PAPPA2: variants seen among roughly 807,000 people sequenced by gnomAD.
PAPPA2 encodes pappalysin 2.
A neutral mutation model predicts 176.4 loss-of-function variants in PAPPA2; 86 were observed. That is an observed-to-expected ratio of 0.49 (90% CI 0.41 to 0.58). PAPPA2 has a LOEUF of 0.58. Ranked by LOEUF, PAPPA2 falls within the 20% of genes least tolerant of loss-of-function variation. PAPPA2 has a pLI of 0.00. For missense variants in PAPPA2, 2,073 were observed against 2,256.9 expected, an observed-to-expected ratio of 0.92 and a Z score of 1.65; for synonymous variants, 809 against 852.2, an observed-to-expected ratio of 0.95 and a Z score of 0.88.
At chr1:176,534,600 G>A (rs1452331416) in intron 1 of PAPPA2, among the ~76,000 whole-genome samples, 2 of 152,326 alleles carry the variant, frequency 1.3e-5, no homozygotes, top group East Asian at 3.9e-4. Context: ...TCTTACTTAG[G>A]ACTGCTAACT....
chr1:176,821,837 G>T (rs954899873), intron 21 of PAPPA2, among the ~76,000 whole-genome samples: 1 of 152,192 alleles, frequency 6.6e-6, no homozygotes, highest in Non-Finnish European at 1.5e-5. Flanking sequence ...TGAGTAAAAA[G>T]AATATAGACA....
intron 1 of PAPPA2, among the ~76,000 whole-genome samples, chr1:176,520,523 G>A (rs1649158213): frequency 6.6e-6 from 1 of 152,226 alleles, no homozygotes; most frequent in Non-Finnish European, 1.5e-5. Flanking sequence ...CTCTGTGTCA[G>A]TGTTGGATCA....
rs528619230 is a variant in PAPPA2, at chr1:176,840,643, C to T, written c.5301+372C>T. On this transcript the variant is annotated intron_variant, in intron 22 of 22. Coordinates refer to ENST00000367662, the MANE Select transcript of PAPPA2 (RefSeq NM_020318.3). ...CAGTTACTAACCATCTCCATAATTA[C>T]ATTAATAATTTTATATAGTGTGTTA... Among the ~76,000 whole-genome samples the T allele has an allele frequency of 7.2e-5, 11 of 152,212 alleles. No individual in the cohort carries two copies. In the East Asian group the frequency reaches 1.4e-3, roughly 19 times the overall value.
intron 12 of PAPPA2, 65 bp from the exon 13 acceptor site, chr1:176,739,561 G>A (rs1196550973): frequency 3.3e-6 from 5 of 1,505,468 alleles, no homozygotes; most frequent in East Asian, 2.3e-5. Context: ...AATAAAAATT[G>A]TATAGCACAT....
At chr1:176,519,526 A>G (rs1161608181) in intron 1 of PAPPA2, among the ~76,000 whole-genome samples, 1 of 152,158 alleles carries the variant, frequency 6.6e-6, no homozygotes, top group East Asian at 1.9e-4. Flanking sequence ...CTTGCTTCAG[A>G]TGAAGGTCCA....
intron 1 of PAPPA2, among the ~76,000 whole-genome samples, chr1:176,471,735 T>G (rs982999308): frequency 3.3e-5 from 5 of 152,366 alleles, no homozygotes; most frequent in Middle Eastern, 3.4e-3. Flanking sequence ...TCTTGTGATA[T>G]ATCCTTTCAA....
intron 3 of PAPPA2, among the ~76,000 whole-genome samples, chr1:176,608,324 TTATC>T: frequency 6.6e-6 from 1 of 152,346 alleles, no homozygotes; most frequent in Non-Finnish European, 1.5e-5. Flanking sequence ...CCTTAAAACT[TTATC>T]TGTTCAATTT....
rs766227560 is a variant in PAPPA2, at chr1:176,595,396, C to T, written c.1792C>T (p.Pro598Ser). The T allele has an allele frequency of 1.1e-5, 18 of 1,614,016 alleles. No individual in the cohort carries two copies. The South Asian group carries it at 1.9e-4, about 17-fold the overall frequency. The stretch of plus-strand genomic sequence containing the variant: ...CAAGATTGGCAATGACCATTGTGAC[C>T]CCGAGTGTGAGCACCCACTCACAGG... ...PSKIGNDHCD[P>S]ECEHPLTGYD... Residue 598 changes from proline (P) to serine (S), a missense_variant, in exon 3 of 23, where the codon CCC (proline) becomes TCC (serine). Coordinates refer to ENST00000367662, the MANE Select transcript of PAPPA2 (RefSeq NM_020318.3).
chr1:176,551,844 A>G (rs1449781412), intron 1 of PAPPA2, among the ~76,000 whole-genome samples: 1 of 152,118 alleles, frequency 6.6e-6, no homozygotes, highest in Non-Finnish European at 1.5e-5. Context: ...TCTGAATTTT[A>G]CTCATGAATT....
intron 1 of PAPPA2, among the ~76,000 whole-genome samples, chr1:176,513,917 C>T (rs1047632616): frequency 1.3e-5 from 2 of 152,096 alleles, no homozygotes; most frequent in Non-Finnish European, 2.9e-5. Flanking sequence ...ACTGTAACCA[C>T]TTTCTTCAAA....
intron 3 of PAPPA2, among the ~76,000 whole-genome samples, chr1:176,645,382 A>G (rs1657341573): frequency 6.6e-6 from 1 of 151,780 alleles, no homozygotes; most frequent in Admixed American, 6.6e-5. Flanking sequence ...ACTTAACATA[A>G]TGACCTCCAA....
chr1:176,723,585 GT>G (rs1211919322), intron 12 of PAPPA2, among the ~76,000 whole-genome samples: 1 of 151,830 alleles, frequency 6.6e-6, no homozygotes. Context: ...TTAGTATGCA[GT>G]AATTCAGAGA....
At chr1:176,763,155 C>T (rs573038315) in intron 14 of PAPPA2, among the ~76,000 whole-genome samples, 1 of 152,222 alleles carries the variant, frequency 6.6e-6, no homozygotes, top group South Asian at 2.1e-4. Flanking sequence ...TTGCCCAGAT[C>T]TTTGATAAAG....
chr1:176,464,452 G>A (rs765865164), intron 1 of PAPPA2, among the ~76,000 whole-genome samples: 6 of 152,176 alleles, frequency 3.9e-5, no homozygotes, highest in Non-Finnish European at 8.8e-5. Flanking sequence ...ACACTTAGGA[G>A]GGCCCTGTGC....
At chr1:176,548,407 C>T (rs184308188) in intron 1 of PAPPA2, among the ~76,000 whole-genome samples, 29 of 152,210 alleles carry the variant, frequency 1.9e-4, no homozygotes, top group African/African-American at 6.5e-4. Context: ...CTACTGTTGG[C>T]TGGGCTACAT....
intron 1 of PAPPA2, among the ~76,000 whole-genome samples, chr1:176,493,901 T>C (rs555582180): frequency 9.2e-5 from 14 of 152,296 alleles, no homozygotes; most frequent in African/African-American, 3.4e-4. Context: ...AGCAGAAACA[T>C]CTTAGTTAGA....
chr1:176,794,042 T>A (rs576063015), intron 20 of PAPPA2, among the ~76,000 whole-genome samples: 2 of 152,146 alleles, frequency 1.3e-5, no homozygotes, highest in South Asian at 4.2e-4. Context: ...AGAGCGAGAC[T>A]CCATCTCAAA....
intron 10 of PAPPA2, among the ~76,000 whole-genome samples, chr1:176,708,373 A>G (rs993525052): frequency 3.9e-5 from 6 of 152,146 alleles, no homozygotes; most frequent in Non-Finnish European, 7.4e-5. Context: ...GGTTTGAAGG[A>G]ACCCCATTGT....
intron 21 of PAPPA2, among the ~76,000 whole-genome samples, chr1:176,819,402 G>T (rs1252048585): frequency 6.6e-6 from 1 of 152,098 alleles, no homozygotes; most frequent in African/African-American, 2.4e-5. Flanking sequence ...GGTCTCTGAG[G>T]GTCTCTTCAG....
Sources: allele counts gnomAD v4.1 joint callset (sites outside exome capture counted in the v4.1 genomes callset), GRCh38; gene constraint gnomAD v4.1.1; transcripts MANE v1.5; gene names NCBI Gene and HGNC (gene_info 2026-07-23, HGNC 2026-07-21).